DMRT3: variants seen among roughly 807,000 people sequenced by gnomAD.
The protein encoded by DMRT3 is doublesex- and mab-3-related transcription factor 3.
Under a neutral mutation model 34.9 loss-of-function variants are expected in DMRT3, and 29 were observed. The observed-to-expected ratio is 0.83, with a 90% CI of 0.62 to 1.13. DMRT3 has a LOEUF of 1.13. Ranked by LOEUF, DMRT3 falls within the 50% of genes most tolerant of loss-of-function variation. DMRT3 has a pLI of 0.00. For missense variants in DMRT3, 772 were observed against 629.1 expected, an observed-to-expected ratio of 1.23 and a Z score of -2.43; for synonymous variants, 350 against 286.0, an observed-to-expected ratio of 1.22 and a Z score of -2.26.
At chr9:980,714 G>T (rs1482315306) in intron 1 of DMRT3, among the ~76,000 whole-genome samples, 2 of 150,408 alleles carry the variant, frequency 1.3e-5, no homozygotes, top group African/African-American at 4.9e-5. Context: ...GAGGCATGAA[G>T]ATCTTCCAAC....
At position 977,423 on chromosome 9, in the gene DMRT3, C is replaced by T. The variant is rs1240461011; in HGVS notation, c.422C>T (p.Pro141Leu). The change falls in exon 1 of 2, where the codon CCC (proline) becomes CTC (leucine). Residue 141 changes from proline to leucine, a missense_variant. Coordinates refer to ENST00000190165, the MANE Select transcript of DMRT3 (RefSeq NM_021240.4). ...AALRWTAEPQ[P>L]GALQAQLAKP... ...CTGCGTTGGACTGCCGAGCCGCAGCCCGGGGCTCTGCAGGCGCAGCTCGCC... is the reference window on the plus strand; with the variant it reads ...CTGCGTTGGACTGCCGAGCCGCAGCTCGGGGCTCTGCAGGCGCAGCTCGCC... The T allele has an allele frequency of 2.4e-6, 3 of 1,272,822 alleles. No individual in the cohort carries two copies. Among genetic ancestry groups the T allele is most frequent in the East Asian group, 2.9e-5 (1 of 34,610 alleles). 78.8% of individuals were successfully genotyped at this position (1,272,822 alleles called of 1,614,324 possible). A position where few individuals can be genotyped will look rare whatever the true frequency, so the allele number is the denominator to read the frequency against.
chr9:986,301 G>C (rs1284314047), intron 1 of DMRT3, among the ~76,000 whole-genome samples: 1 of 151,908 alleles, frequency 6.6e-6, no homozygotes, highest in East Asian at 1.9e-4. Context: ...CAAGTATTCA[G>C]TTGATTGGGA....
At chr9:989,156 A>C (rs1407198964) in intron 1 of DMRT3, among the ~76,000 whole-genome samples, 1 of 152,252 alleles carries the variant, frequency 6.6e-6, no homozygotes, top group African/African-American at 2.4e-5. Context: ...CTTTAAAAAA[A>C]GGTATCTTCA....
chr9:988,138 A>C (rs1027500012), intron 1 of DMRT3, among the ~76,000 whole-genome samples: 2 of 152,230 alleles, frequency 1.3e-5, no homozygotes, highest in Non-Finnish European at 2.9e-5. Context: ...AATTTCTCTT[A>C]CAAAAATAGA....
chr9:987,899 G>C (rs1218687639), intron 1 of DMRT3, among the ~76,000 whole-genome samples: 4 of 152,100 alleles, frequency 2.6e-5, no homozygotes, highest in Non-Finnish European at 4.4e-5. Flanking sequence ...CTTTTCAAGT[G>C]TTTAATAATT....
Position 976,755 on chromosome 9 carries a change from C to G in DMRT3, c.-247C>G, listed in dbSNP as rs1363062259. Among the ~76,000 whole-genome samples, 5 of 152,166 alleles carry G rather than the reference C, an allele frequency of 3.3e-5. No individual in the cohort carries two copies. Among genetic ancestry groups the G allele is most frequent in the African/African-American group, 1.2e-4 (5 of 41,460 alleles). ...GGACGTGCCGACCCGGCTGCGCGCC[C>G]AAGGCAGAGGCCCGCGTCGGCGTTG... On this transcript the variant is annotated 5_prime_UTR_variant, in exon 1 of 2. Transcript: ENST00000190165. The surrounding 1 kb of genome is among the most constrained non-coding windows in gnomAD (Gnocchi z 4.5).
intron 1 of DMRT3, among the ~76,000 whole-genome samples, chr9:980,003 C>G (rs1050192234): frequency 1.3e-5 from 2 of 152,186 alleles, no homozygotes; most frequent in African/African-American, 4.8e-5. Context: ...CAATGTAGAT[C>G]TATTACTTTG....
Position 976,905 on chromosome 9 carries a change from C to G in DMRT3, c.-97C>G, listed in dbSNP as rs1046256457. ...CTGCGGGACCAAGGGCCGCGTCGCC[C>G]GGAGGCCGCCCCTGAGCGGGCCTCG... On this transcript the variant is annotated 5_prime_UTR_variant, in exon 1 of 2. Transcript: ENST00000190165. This position sits in a 1 kb window ranked among gnomAD's most constrained non-coding sequence, Gnocchi z 4.5. 2.3e-6 allele frequency: 3 copies of G among 1,304,930 alleles called. No homozygotes were observed. The highest frequency in any genetic ancestry group is 3.0e-6 in the Non-Finnish European group (3 of 1,013,996). The allele number at this position is 1,304,930 out of a possible 1,614,324, so 80.8% of individuals were successfully genotyped here.
chr9:978,230 C>A (rs1820176865), intron 1 of DMRT3, among the ~76,000 whole-genome samples: 1 of 152,120 alleles, frequency 6.6e-6, no homozygotes, highest in Non-Finnish European at 1.5e-5. Flanking sequence ...TAAAGGAATA[C>A]AAAAAATCTG....
In DMRT3 at chr9:977,021, C is replaced by G; in HGVS notation, c.20C>G (p.Pro7Arg). ...CGGGGCATGAACGGCTACGGCTCCC[C>G]CTACCTGTACATGGGCGGCCCGGTG... is the stretch of plus-strand genomic sequence containing the variant. MNGYGS[P>R]YLYMGGPVSQ... is the part of the protein sequence containing the mutation. The change falls in exon 1 of 2, where the codon CCC (proline) becomes CGC (arginine). Residue 7 changes from proline (P) to arginine (R), a missense_variant. Coordinates refer to ENST00000190165, the MANE Select transcript of DMRT3 (RefSeq NM_021240.4). 1.3e-6 allele frequency: 2 copies of G among 1,544,058 alleles called. No homozygotes were observed. The highest frequency in any genetic ancestry group is 1.7e-6 in the Non-Finnish European group (2 of 1,147,230).
At chr9:979,333 C>CG (rs767391981) in intron 1 of DMRT3, among the ~76,000 whole-genome samples, 6 of 152,138 alleles carry the variant, frequency 3.9e-5, no homozygotes, top group African/African-American at 1.4e-4. Context: ...AAAAAGGAAA[C>CG]GGATCTCAAC....
intron 1 of DMRT3, among the ~76,000 whole-genome samples, chr9:989,570 T>C (rs1820327174): frequency 6.6e-6 from 1 of 152,218 alleles, no homozygotes. Flanking sequence ...AGATTTCAGA[T>C]ATTAAAATTC....
chr9:977,077 A>T lies in DMRT3; in HGVS notation c.76A>T (p.Thr26Ser). ...GCCGCCACGGGCGCCCCTGCAGCGC[A>T]CGCCCAAGTGCGCGCGCTGCCGCAA... ...SQPPRAPLQR[T>S]PKCARCRNHG... is the part of the protein sequence containing the mutation. Residue 26 changes from threonine (T) to serine (S), a missense_variant, in exon 1 of 2, where the codon ACG becomes TCG. Coordinates refer to ENST00000190165, the MANE Select transcript of DMRT3 (RefSeq NM_021240.4). 1 of 1,592,554 alleles carries T rather than the reference A, an allele frequency of 6.3e-7. No individual in the cohort carries two copies. Among genetic ancestry groups the T allele is most frequent in the Middle Eastern group, 2.0e-4 (1 of 5,104 alleles).
rs775082503 is a variant in DMRT3 at position 990,636 on chromosome 9, C to T, written c.1050C>T (p.Val350=). 9.3e-6 allele frequency: 15 copies of T among 1,614,146 alleles called. No individual in the cohort carries two copies. Among genetic ancestry groups the T allele is most frequent in the Non-Finnish European group, 1.3e-5 (15 of 1,180,020 alleles). ...LRFSADSSNV[V]PSPLAGPLQP... Reference sequence around the variant, plus strand: ...TTTCTGCCGACTCTAGCAACGTTGTCCCCAGTCCCTTGGCTGGGCCTCTGC... The same window carrying T: ...TTTCTGCCGACTCTAGCAACGTTGTTCCCAGTCCCTTGGCTGGGCCTCTGC... Residue 350 remains valine, a synonymous_variant, in exon 2 of 2, where the codon GTC becomes GTT. Coordinates refer to ENST00000190165, the MANE Select transcript of DMRT3 (RefSeq NM_021240.4).
Position 977,447 on chromosome 9 carries a change from C to A in DMRT3, c.446C>A (p.Ala149Asp). 1 of 1,280,832 alleles carries A rather than the reference C, an allele frequency of 7.8e-7. No homozygotes were observed. The highest frequency in any genetic ancestry group is 9.9e-7 in the Non-Finnish European group (1 of 1,014,382). The allele number at this position is 1,280,832 out of a possible 1,614,324, so 79.3% of individuals were successfully genotyped here. A position where few individuals can be genotyped will look rare whatever the true frequency, so the allele number is the denominator to read the frequency against. Residue 149 changes from alanine (A) to aspartate (D), a missense_variant, in exon 1 of 2, where the codon GCC becomes GAC. Ala to Asp is a moderately radical substitution (Grantham distance 126). Coordinates refer to ENST00000190165, the MANE Select transcript of DMRT3 (RefSeq NM_021240.4). ...PQPGALQAQL[A>D]KPDLTEERLG... ...CCCGGGGCTCTGCAGGCGCAGCTCG[C>A]CAAGCCAGGTAAGAGCGTCTGAGGT...
chr9:985,298 C>T (rs764303397), intron 1 of DMRT3, among the ~76,000 whole-genome samples: 7 of 152,206 alleles, frequency 4.6e-5, no homozygotes, highest in South Asian at 2.1e-4. Flanking sequence ...ACCCATCTAC[C>T]GGGGTAAAAA....
Position 977,070 on chromosome 9 carries a change from G to A in DMRT3, c.69G>A (p.Leu23=). 6.3e-7 allele frequency: 1 copy of A among 1,587,802 alleles called. No homozygotes were observed. Among genetic ancestry groups the A allele is most frequent in the Admixed American group, 1.8e-5 (1 of 56,958 alleles). The change falls in exon 1 of 2, where the codon CTG becomes CTA. Residue 23 remains leucine (L), a synonymous_variant. Coordinates refer to ENST00000190165, the MANE Select transcript of DMRT3 (RefSeq NM_021240.4). Reference sequence around the variant, plus strand: ...TGTCGCAGCCGCCACGGGCGCCCCTGCAGCGCACGCCCAAGTGCGCGCGCT... The same window carrying A: ...TGTCGCAGCCGCCACGGGCGCCCCTACAGCGCACGCCCAAGTGCGCGCGCT... ...GPVSQPPRAP[L]QRTPKCARCR...
In DMRT3 at chr9:990,829, T is replaced by C. The variant is rs758692603; in HGVS notation, c.1243T>C (p.Ser415Pro). ...GTATGTCAGTCCTTTCCCCAGTAAC[T>C]CTACCAGCGTCTTCAGAAGCTCGCC... ...SQYVSPFPSNSTSVFRSSPVL... is the reference protein window; with the variant it reads ...SQYVSPFPSNPTSVFRSSPVL... Residue 415 changes from serine to proline, a missense_variant, in exon 2 of 2, where the codon TCT (serine) becomes CCT (proline). Physicochemically the swap from Ser to Pro is moderately conservative, Grantham distance 74. Transcript: ENST00000190165. 13 of 1,614,008 alleles carry C rather than the reference T, an allele frequency of 8.1e-6. No homozygotes were observed. The highest frequency in any genetic ancestry group is 2.7e-5 in the African/African-American group (2 of 74,922).
Position 989,673 on chromosome 9 carries a change from T to C in DMRT3, c.455-368T>C, listed in dbSNP as rs187900021. ...GGAAGACAAGCTGAGCTGATTTTCC[T>C]GTTTCTCCCTGAGCTTTGCTCTTCC... is the stretch of plus-strand genomic sequence containing the variant. On this transcript the variant is annotated intron_variant, in intron 1 of 1. Coordinates refer to ENST00000190165, the MANE Select transcript of DMRT3 (RefSeq NM_021240.4). Among the ~76,000 whole-genome samples, 14 of 152,350 alleles carry C rather than the reference T, an allele frequency of 9.2e-5. No homozygotes were observed. In the East Asian group the frequency reaches 2.5e-3, roughly 27 times the overall value.
Sources: allele counts gnomAD v4.1 joint callset (sites outside exome capture counted in the v4.1 genomes callset), GRCh38; gene constraint gnomAD v4.1.1; non-coding constraint Gnocchi (gnomAD v3.1); transcripts MANE v1.5; gene names NCBI Gene and HGNC (gene_info 2026-07-23, HGNC 2026-07-21).